Variants in EYS observed in about 807,000 individuals in gnomAD.
The protein encoded by EYS is EGF-like photoreceptor maintenance factor.
Under a neutral mutation model 282.1 loss-of-function variants are expected in EYS, and 250 were observed. That is an observed-to-expected ratio of 0.89 (90% CI 0.80 to 0.98). The LOEUF is 0.98. Ranked by LOEUF, EYS falls within the 50% of genes least tolerant of loss-of-function variation. EYS has a pLI of 0.00. For missense variants in EYS, 4,016 were observed against 3,709.0 expected (o/e 1.08, Z -2.15); for synonymous variants, 1,355 against 1,282.9 (o/e 1.06, Z -1.20).
intron 18 of EYS, among the ~76,000 whole-genome samples, chr6:64,889,208 A>G (rs138559194): frequency 2.0e-5 from 3 of 152,108 alleles, no homozygotes; most frequent in Non-Finnish European, 4.4e-5. Flanking sequence ...AAATCATAAC[A>G]TCCCTTGTCT....
intron 1 of EYS, among the ~76,000 whole-genome samples, chr6:65,684,414 G>A (rs1383919339): frequency 6.6e-6 from 1 of 151,918 alleles, no homozygotes; most frequent in African/African-American, 2.4e-5. Context: ...CCAAACGTGG[G>A]AGCACGTTCA....
intron 26 of EYS, among the ~76,000 whole-genome samples, chr6:64,529,040 A>T (rs1035371099): frequency 8.5e-5 from 13 of 152,154 alleles, no homozygotes; most frequent in African/African-American, 2.9e-4. Context: ...ATTAGATCCT[A>T]AAACGGTTTA....
chr6:63,751,239 T>G (rs1582170455), intron 41 of EYS, among the ~76,000 whole-genome samples: 1 of 152,344 alleles, frequency 6.6e-6, no homozygotes, highest in South Asian at 2.1e-4. Context: ...GGATAATCTT[T>G]GCAGATAAAA....
chr6:64,737,909 GA>G (rs1193059226), intron 22 of EYS, among the ~76,000 whole-genome samples: 1 of 152,172 alleles, frequency 6.6e-6, no homozygotes, highest in East Asian at 1.9e-4. Context: ...TATCATGAAT[GA>G]AAAACTCTCC....
chr6:64,438,017 C>T (rs1774810836), intron 27 of EYS, among the ~76,000 whole-genome samples: 1 of 151,500 alleles, frequency 6.6e-6, no homozygotes, highest in African/African-American at 2.4e-5. Flanking sequence ...TGAGTTATTG[C>T]AATGATGATT....
chr6:65,655,955 T>C (rs1240308017), intron 1 of EYS, among the ~76,000 whole-genome samples: 3 of 152,032 alleles, frequency 2.0e-5, no homozygotes, highest in Non-Finnish European at 2.9e-5. Context: ...TCCAACACCA[T>C]GTGCTCACTT....
chr6:64,389,152 CA>C (rs1399844591), intron 28 of EYS, among the ~76,000 whole-genome samples: 1 of 152,100 alleles, frequency 6.6e-6, no homozygotes, highest in African/African-American at 2.4e-5. Context: ...TAGCTTTTTA[CA>C]TTATTAAATT....
At chr6:64,349,559 A>C (rs1430693848) in intron 29 of EYS, among the ~76,000 whole-genome samples, 1 of 151,448 alleles carries the variant, frequency 6.6e-6, no homozygotes, top group East Asian at 2.0e-4. Context: ...TAATGATTCT[A>C]TAAAATAAAT....
intron 31 of EYS, among the ~76,000 whole-genome samples, chr6:64,187,021 TC>T: frequency 6.6e-6 from 1 of 152,230 alleles, no homozygotes; most frequent in Middle Eastern, 3.4e-3. Flanking sequence ...TAGTTTTTTT[TC>T]CCCTCTGAAA....
chr6:64,999,821 A>G (rs148166192), intron 13 of EYS, among the ~76,000 whole-genome samples: 1 of 152,146 alleles, frequency 6.6e-6, no homozygotes, highest in African/African-American at 2.4e-5. Context: ...CAGGGCAGTC[A>G]GAGGGGAGCC....
chr6:63,995,029 C>G (rs912953091), intron 34 of EYS, among the ~76,000 whole-genome samples: 1 of 151,762 alleles, frequency 6.6e-6, no homozygotes, highest in African/African-American at 2.4e-5. Flanking sequence ...CAAGTGGGAC[C>G]TATGTCAAAA....
chr6:65,458,336 A>G (rs12208109), intron 5 of EYS, among the ~76,000 whole-genome samples: 28,141 of 151,954 alleles, frequency 0.19, 3,250 homozygotes, highest in Middle Eastern at 0.3. Context: ...CCACCAACCT[A>G]TGACTTGCTT....
chr6:65,590,074 A>G (rs575155071), intron 2 of EYS, among the ~76,000 whole-genome samples: 10 of 152,116 alleles, frequency 6.6e-5, no homozygotes, highest in Non-Finnish European at 1.5e-4. Context: ...TAGAGACCTT[A>G]GTGCTTAATA....
chr6:64,665,641 A>C (rs1769204950), intron 22 of EYS, among the ~76,000 whole-genome samples: 1 of 152,224 alleles, frequency 6.6e-6, no homozygotes, highest in Admixed American at 6.5e-5. Context: ...AGAAATTATT[A>C]TACTGGTATA....
At chr6:64,210,250 T>G (rs1477455009) in intron 31 of EYS, among the ~76,000 whole-genome samples, 2 of 152,222 alleles carry the variant, frequency 1.3e-5, no homozygotes, top group African/African-American at 4.8e-5. Context: ...GGGGCTGCCA[T>G]AGCGAGTTAT....
At position 63,726,574 on chromosome 6, in the gene EYS, A is replaced by G. The variant is rs767955491; in HGVS notation, c.8178T>C (p.Pro2726=). ...KKTHIQLQFQ[P]LAADGILFYA... ...AAAATAGGATACCATCTGCAGCGAG[A>G]GGCTGAAACTGCAATTGAATATGTG... The change falls in exon 42 of 43, where the codon CCT becomes CCC. Residue 2726 remains proline (P), a synonymous_variant. Transcript: ENST00000503581. The G allele has an allele frequency of 3.6e-5, 56 of 1,551,286 alleles. No individual in the cohort carries two copies. The African/African-American group carries it at 6.7e-4, about 19-fold the overall frequency.
chr6:64,462,977 G>A (rs4111157), intron 26 of EYS, among the ~76,000 whole-genome samples: 15 of 119,762 alleles, frequency 1.3e-4, no homozygotes, highest in Admixed American at 9.8e-4. Flanking sequence ...ATGAAGTCTC[G>A]CTCTGTTGCC....
chr6:64,098,100 G>A (rs1380245286), intron 31 of EYS, among the ~76,000 whole-genome samples: 1 of 152,066 alleles, frequency 6.6e-6, no homozygotes, highest in Non-Finnish European at 1.5e-5. Context: ...ACAACACATT[G>A]GAAAACTATT....
chr6:65,058,803 A>G (rs1418775097), intron 12 of EYS, among the ~76,000 whole-genome samples: 1 of 151,536 alleles, frequency 6.6e-6, no homozygotes, highest in African/African-American at 2.4e-5. Flanking sequence ...CTGACACTGA[A>G]TTGATTTTTA....
Sources: gnomAD v4.1 joint callset for allele counts (sites outside exome capture counted in the v4.1 genomes callset) on GRCh38, gnomAD v4.1.1 for gene constraint, MANE v1.5 for transcripts, NCBI Gene and HGNC (gene_info 2026-07-23, HGNC 2026-07-21) for gene names.